Variants in UNC13A observed in about 807,000 individuals in gnomAD.
UNC13A encodes unc-13 homolog A.
A neutral mutation model predicts 219.7 loss-of-function variants in UNC13A; 61 were observed. The ratio of observed to expected loss-of-function variants is 0.28; its 90% CI spans 0.23 to 0.34. The LOEUF is 0.34. Among genes scored for constraint, UNC13A ranks in the 10% least tolerant of loss-of-function variants. The probability of loss-of-function intolerance (pLI) is 1.00; values close to 1 mark genes in which losing one functional copy is unlikely to be tolerated. For synonymous variants in UNC13A, 920 were observed against 884.6 expected (o/e 1.04, Z -0.71); for missense variants, 1,476 against 2,270.3 (o/e 0.65, Z 7.11).
Position 17,621,733 on chromosome 19 carries a change from C to T in UNC13A, c.4242+99G>A. 1.5e-6 allele frequency: 2 copies of T among 1,327,144 alleles called. 1 individual carries two copies. The highest frequency in any genetic ancestry group is 2.4e-5 in the South Asian group (2 of 84,370). 82.2% of individuals were successfully genotyped at this position (1,327,144 alleles called of 1,614,324 possible). A position where few individuals can be genotyped will look rare whatever the true frequency, so the allele number is the denominator to read the frequency against. Reference sequence around the variant, plus strand: ...GAGAGCTATCTCCTACCCACGACCCCCAGCTGCCCTTCCTGCCCAGGTGCA... The same window carrying T: ...GAGAGCTATCTCCTACCCACGACCCTCAGCTGCCCTTCCTGCCCAGGTGCA... On this transcript the variant is annotated intron_variant, in intron 37 of 43. Transcript: ENST00000519716.
intron 43 of UNC13A, among the ~76,000 whole-genome samples, chr19:17,608,213 A>T (rs908237938): frequency 3.5e-5 from 5 of 143,682 alleles, no homozygotes; most frequent in Non-Finnish European, 7.5e-5. Flanking sequence ...CACACAGCTA[A>T]TATTTTTTGT....
intron 17 of UNC13A, among the ~76,000 whole-genome samples, chr19:17,646,347 G>A (rs1258404038): frequency 6.6e-6 from 1 of 151,972 alleles, no homozygotes; most frequent in Non-Finnish European, 1.5e-5. Flanking sequence ...TCCGCCTCCC[G>A]GGTTCAAGCA....
Position 17,649,578 on chromosome 19 carries a change from G to A in UNC13A, c.1449C>T (p.Gly483=), listed in dbSNP as rs746066343. 1.2e-4 allele frequency: 194 copies of A among 1,613,638 alleles called. No homozygotes were observed. Among genetic ancestry groups the A allele is most frequent in the Non-Finnish European group, 1.6e-4 (187 of 1,179,854 alleles). The part of the protein sequence containing the change: ...KSLWFKGGPG[G]GLIIIDSMPD... ...GCATGCTGTCGATGATGATGAGACC[G>A]CCCCCTGGGCTGAAAGACACAGAGG... The change falls in exon 13 of 44, where the codon GGC becomes GGT. Residue 483 remains glycine, a synonymous_variant. Coordinates refer to ENST00000519716, the MANE Select transcript of UNC13A (RefSeq NM_001080421.3). The surrounding 1 kb of genome is among the most constrained non-coding windows in gnomAD (Gnocchi z 4.4).
rs1413786770 is a variant in UNC13A, at chr19:17,618,957, G to T, written c.4278C>A (p.Thr1426=). The change falls in exon 39 of 44, where the codon ACC becomes ACA. Residue 1426 remains threonine (T), a synonymous_variant. Coordinates refer to ENST00000519716, the MANE Select transcript of UNC13A (RefSeq NM_001080421.3). ...RVKLPSHSDG[T]QMIFNAAKEL... ...CCTTGGCTGCATTGAAGATCATCTGGGTTCCCTGCAGGTAACAACATACAG... is the reference window on the plus strand; with the variant it reads ...CCTTGGCTGCATTGAAGATCATCTGTGTTCCCTGCAGGTAACAACATACAG... 6.2e-7 allele frequency: 1 copy of T among 1,613,966 alleles called. No individual in the cohort carries two copies. The highest frequency in any genetic ancestry group is 8.5e-7 in the Non-Finnish European group (1 of 1,179,858).
At chr19:17,622,193 T>C (rs1443864906) in intron 36 of UNC13A, among the ~76,000 whole-genome samples, 2 of 152,210 alleles carry the variant, frequency 1.3e-5, no homozygotes, top group African/African-American at 4.8e-5. Flanking sequence ...ACTGTACACA[T>C]GAGACTCTTG....
chr19:17,659,833 T>TA (rs893944044), intron 8 of UNC13A, among the ~76,000 whole-genome samples: 6 of 152,050 alleles, frequency 3.9e-5, no homozygotes, highest in East Asian at 1.9e-4. Flanking sequence ...GAAGAGGATG[T>TA]AAAAAAATGA....
At chr19:17,686,231 G>A (rs1568278632) in intron 1 of UNC13A, among the ~76,000 whole-genome samples, 1 of 138,304 alleles carries the variant, frequency 7.2e-6, no homozygotes. Flanking sequence ...GCCTCCTGCT[G>A]CCCCCCCTTA....
chr19:17,674,776 G>T lies in UNC13A; in HGVS notation c.53-20C>A. Reference sequence around the variant, plus strand: ...ATTTCTCTGTGGCAGTGAGAGTAGGGGTCAGCGCTGGGGCTCAGGGACTCT... The same window carrying T: ...ATTTCTCTGTGGCAGTGAGAGTAGGTGTCAGCGCTGGGGCTCAGGGACTCT... On this transcript the variant is annotated intron_variant, in intron 2 of 43. Coordinates refer to ENST00000519716, the MANE Select transcript of UNC13A (RefSeq NM_001080421.3). This position sits in a 1 kb window ranked among gnomAD's most constrained non-coding sequence, Gnocchi z 5.0. 2 of 1,599,958 alleles carry T rather than the reference G, an allele frequency of 1.3e-6. No homozygotes were observed. The highest frequency in any genetic ancestry group is 1.7e-6 in the Non-Finnish European group (2 of 1,167,366).
intron 1 of UNC13A, among the ~76,000 whole-genome samples, chr19:17,680,879 C>CTT (rs2079996579): frequency 1.0e-4 from 8 of 80,164 alleles, no homozygotes; most frequent in South Asian, 4.5e-4. Flanking sequence ...CTTTTTTTTT[C>CTT]TTTTCTTTTC....
chr19:17,674,853 T>C lies in UNC13A; in HGVS notation c.53-97A>G. 4 of 1,079,042 alleles carry C rather than the reference T, an allele frequency of 3.7e-6. No homozygotes were observed. Among genetic ancestry groups the C allele is most frequent in the Non-Finnish European group, 5.6e-6 (4 of 717,482 alleles). The allele number at this position is 1,079,042 out of a possible 1,614,324, so 66.8% of individuals were successfully genotyped here. ...CATCTGCTGTGATCCCCTCAGGAAT[T>C]TCTGGGCCACTCACCCCCTAACCCA... On this transcript the variant is annotated intron_variant, in intron 2 of 43. Coordinates refer to ENST00000519716, the MANE Select transcript of UNC13A (RefSeq NM_001080421.3). The surrounding 1 kb of genome is among the most constrained non-coding windows in gnomAD (Gnocchi z 5.0).
At chr19:17,655,413 C>T in intron 10 of UNC13A, 31 bp from the exon 11 acceptor site, 1 of 1,527,846 alleles carries the variant, frequency 6.5e-7, no homozygotes, top group Non-Finnish European at 8.9e-7. Flanking sequence ...AGGCTCTGGG[C>T]TGGCTCTCCG....
chr19:17,656,899 C>T (rs992699660), intron 9 of UNC13A, among the ~76,000 whole-genome samples: 7 of 150,894 alleles, frequency 4.6e-5, no homozygotes, highest in East Asian at 1.9e-4. Flanking sequence ...GTGGCATTTG[C>T]GGTCTGTGGG....
In UNC13A at chr19:17,649,281, A is replaced by G; in HGVS notation, c.1524+58T>C. 6.5e-7 allele frequency: 1 copy of G among 1,547,108 alleles called. No individual in the cohort carries two copies. Among genetic ancestry groups the G allele is most frequent in the East Asian group, 2.4e-5 (1 of 41,618 alleles). On this transcript the variant is annotated intron_variant, in intron 14 of 43. Transcript: ENST00000519716. The surrounding 1 kb of genome is among the most constrained non-coding windows in gnomAD (Gnocchi z 4.4). ...CCATGAATTGGGGGCCTGTTAGAAG[A>G]TCCCAGTGGGGGAGTTTGGGGAGAA...
intron 7 of UNC13A, 68 bp from the exon 8 acceptor site, chr19:17,663,635 C>T: frequency 6.6e-7 from 1 of 1,517,106 alleles, no homozygotes; most frequent in Non-Finnish European, 9.0e-7. Flanking sequence ...AAGGGGGCTC[C>T]CCTGCTGTCC....
At chr19:17,680,869 C>CTTT (rs71162171) in intron 1 of UNC13A, among the ~76,000 whole-genome samples, 2 of 106,432 alleles carry the variant, frequency 1.9e-5, no homozygotes. Context: ...TCTTCTTCTT[C>CTTT]TTTTTTTTTC....
At chr19:17,624,122 C>CTTTTTTTTTTTT (rs762349924) in intron 35 of UNC13A, among the ~76,000 whole-genome samples, 1 of 136,464 alleles carries the variant, frequency 7.3e-6, no homozygotes, top group Non-Finnish European at 1.6e-5. Flanking sequence ...TATGCCTTCT[C>CTTTTTTTTTTTT]TTTTTTTTTT....
intron 4 of UNC13A, 107 bp from the exon 5 acceptor site, chr19:17,669,783 A>C: frequency 7.6e-7 from 1 of 1,318,278 alleles, no homozygotes; most frequent in South Asian, 1.6e-5. Context: ...CCCAAAACCA[A>C]AGTCATGTCC....
chr19:17,641,381 C>T lies in UNC13A; in HGVS notation c.2636+12G>A. On this transcript the variant is annotated intron_variant, in intron 21 of 43. Coordinates refer to ENST00000519716, the MANE Select transcript of UNC13A (RefSeq NM_001080421.3). Reference sequence around the variant, plus strand: ...TCCCTCTTGTTTCCTGCACCCCAGCCTGCAGTCTCACGTCATGGCTTGGTA... The same window carrying T: ...TCCCTCTTGTTTCCTGCACCCCAGCTTGCAGTCTCACGTCATGGCTTGGTA... 6.2e-7 allele frequency: 1 copy of T among 1,612,846 alleles called. No individual in the cohort carries two copies.
chr19:17,613,246 G>A (rs1014531377), intron 41 of UNC13A, among the ~76,000 whole-genome samples: 2 of 151,468 alleles, frequency 1.3e-5, no homozygotes, highest in African/African-American at 4.8e-5. Context: ...AAAAAAGAGA[G>A]AGAAAAGAAA....
Sources: allele counts gnomAD v4.1 joint callset (sites outside exome capture counted in the v4.1 genomes callset), GRCh38; gene constraint gnomAD v4.1.1; non-coding constraint Gnocchi (gnomAD v3.1); transcripts MANE v1.5; gene names NCBI Gene and HGNC (gene_info 2026-07-23, HGNC 2026-07-21).